The following PARD3B variants were observed in gnomAD, a reference collection of about 807,000 sequenced individuals.
PARD3B encodes par-3 family cell polarity regulator beta, also known as partitioning defective 3 homolog B.
In PARD3B, 103 loss-of-function variants were observed where a neutral mutation model predicts 130.2. The ratio of observed to expected loss-of-function variants is 0.79; its 90% CI spans 0.67 to 0.93. The LOEUF (loss-of-function observed/expected upper bound fraction) is 0.93, where lower values mean the gene tolerates loss of function less well. PARD3B is among the 40% of genes least tolerant of loss of function. The pLI, the probability that PARD3B is intolerant of heterozygous loss-of-function variation, is 0.00. For missense variants in PARD3B, 1,609 were observed against 1,499.2 expected (o/e 1.07, Z -1.21); for synonymous variants, 583 against 553.2 (o/e 1.05, Z -0.76).
Position 205,180,032 on chromosome 2 carries a change from G to A in PARD3B, c.1924+3455G>A, listed in dbSNP as rs143685958. On this transcript the variant is annotated intron_variant, in intron 13 of 22. Coordinates refer to ENST00000406610, the MANE Select transcript of PARD3B (RefSeq NM_001302769.2). ...TTGTCTCTTCTTTTCTTCCCAGGAC[G>A]TAGATTTAGTTAGAACAATTTTTAC... Among the ~76,000 whole-genome samples the A allele has an allele frequency of 3.2e-4, 49 of 151,856 alleles. No homozygotes were observed. The East Asian group carries it at 6.2e-3, about 19-fold the overall frequency.
intron 4 of PARD3B, among the ~76,000 whole-genome samples, chr2:205,097,830 CGTGTGTGT>C (rs71939970): frequency 0.53 from 80,026 of 150,226 alleles, 21,391 homozygotes; most frequent in Admixed American, 0.64. Flanking sequence ...AATCTAGTGG[CGTGTGTGT>C]GTGTGTGTGT....
chr2:205,062,715 TAAG>T (rs1185644060), intron 4 of PARD3B, among the ~76,000 whole-genome samples: 1 of 152,138 alleles, frequency 6.6e-6, no homozygotes, highest in African/African-American at 2.4e-5. Flanking sequence ...AGAGAGAAAT[TAAG>T]AAAAGAATAA....
intron 1 of PARD3B, among the ~76,000 whole-genome samples, chr2:204,592,556 G>A (rs2033121832): frequency 6.6e-6 from 1 of 152,052 alleles, no homozygotes; most frequent in African/African-American, 2.4e-5. Context: ...TTCACATTTT[G>A]TTTTGTATTA....
chr2:204,924,080 A>G (rs897269603), intron 2 of PARD3B, among the ~76,000 whole-genome samples: 1 of 152,088 alleles, frequency 6.6e-6, no homozygotes, highest in Non-Finnish European at 1.5e-5. Flanking sequence ...TGATGGTGAA[A>G]TAGGATCTTG....
In PARD3B at chr2:204,902,184, C is replaced by T. The variant is rs540560322; in HGVS notation, c.223-62968C>T. Among the ~76,000 whole-genome samples, 4 of 152,248 alleles carry T rather than the reference C, an allele frequency of 2.6e-5. No homozygotes were observed. The East Asian group carries it at 7.7e-4, about 29-fold the overall frequency. On this transcript the variant is annotated intron_variant, in intron 2 of 22. Transcript: ENST00000406610. ...TTCAAAATTATCAGTTAATGTTTTA[C>T]ATAGAAAAGGCTGTTTTCTTTTAAG...
intron 2 of PARD3B, among the ~76,000 whole-genome samples, chr2:204,820,070 A>ATTTTTTTTTTTTT (rs1559170803): frequency 3.5e-5 from 3 of 86,296 alleles, no homozygotes; most frequent in African/African-American, 1.9e-4. Context: ...TAAACAATAG[A>ATTTTTTTTTTTTT]CTTTTTTTTT....
intron 1 of PARD3B, among the ~76,000 whole-genome samples, chr2:204,583,048 A>C (rs2032645081): frequency 1.3e-5 from 2 of 150,950 alleles, no homozygotes; most frequent in South Asian, 4.2e-4. Context: ...TAGTTCAACC[A>C]TTGTGGAAGT....
Position 204,878,126 on chromosome 2 carries a change from AG to A in PARD3B, c.223-87025del, listed in dbSNP as rs1244317555. Among the ~76,000 whole-genome samples the A allele has an allele frequency of 2.6e-5, 4 of 152,342 alleles. No homozygotes were observed. The East Asian group carries it at 7.7e-4, about 29-fold the overall frequency. ...ATCAGCAGTTTTGTTGGCACTGTAA[AG>A]AAAAAAGTCATGTAACAGCACACCT... On this transcript the variant is annotated intron_variant, in intron 2 of 22. Transcript: ENST00000406610.
intron 10 of PARD3B, among the ~76,000 whole-genome samples, chr2:205,156,263 G>T (rs1476174032): frequency 3.1e-5 from 4 of 127,512 alleles, no homozygotes; most frequent in Non-Finnish European, 5.1e-5. Flanking sequence ...GGACTGTTGT[G>T]GGGTGGGCGG....
chr2:205,349,917 A>G (rs2043935694), intron 18 of PARD3B, among the ~76,000 whole-genome samples: 1 of 148,494 alleles, frequency 6.7e-6, no homozygotes, highest in Admixed American at 6.9e-5. Context: ...CCTGAGTTCT[A>G]TAACCTGTAG....
intron 3 of PARD3B, among the ~76,000 whole-genome samples, chr2:204,986,050 G>A (rs1249502497): frequency 5.4e-5 from 7 of 130,794 alleles, no homozygotes; most frequent in African/African-American, 1.1e-4. Context: ...GCAGTGAGCC[G>A]AGATAGTGCC....
intron 2 of PARD3B, among the ~76,000 whole-genome samples, chr2:204,756,873 T>C (rs534360653): frequency 1.3e-5 from 2 of 152,246 alleles, no homozygotes; most frequent in African/African-American, 2.4e-5. Context: ...AAGTAGTGAA[T>C]AGTGTACTCA....
rs932931648 is a variant in PARD3B, at chr2:205,563,399, G to A, written c.3260+9996G>A. On this transcript the variant is annotated intron_variant, in intron 22 of 22. Transcript: ENST00000406610. This position sits in a 1 kb window ranked among gnomAD's most constrained non-coding sequence, Gnocchi z 4.2. ...TAAAAGAAAAAAATGTATCCTTGAA[G>A]TCACAGAATCAGAATCAGAATTCAA... is the stretch of plus-strand genomic sequence containing the variant. 6.6e-6 allele frequency among the ~76,000 whole-genome samples: 1 copy of A among 152,124 alleles called. No homozygotes were observed. The highest frequency in any genetic ancestry group is 6.5e-5 in the Admixed American group (1 of 15,280).
intron 2 of PARD3B, among the ~76,000 whole-genome samples, chr2:204,745,038 G>GA (rs773386965): frequency 9.2e-5 from 14 of 152,126 alleles, no homozygotes; most frequent in Non-Finnish European, 1.3e-4. Context: ...AGGAAATAAA[G>GA]ACAGGAAGAG....
At chr2:205,256,698 T>C (rs746291421) in intron 16 of PARD3B, among the ~76,000 whole-genome samples, 2 of 152,100 alleles carry the variant, frequency 1.3e-5, no homozygotes, top group African/African-American at 2.4e-5. Flanking sequence ...ATAGAAATAT[T>C]GTACAAATGG....
At chr2:205,019,485 T>G (rs970898307) in intron 3 of PARD3B, among the ~76,000 whole-genome samples, 2 of 152,154 alleles carry the variant, frequency 1.3e-5, no homozygotes, top group African/African-American at 2.4e-5. Context: ...TTTTGATTTC[T>G]TCCAAATATA....
At position 205,301,424 on chromosome 2, in the gene PARD3B, G is replaced by T; in HGVS notation, c.2393-40G>T. On this transcript the variant is annotated intron_variant, in intron 17 of 22. Transcript: ENST00000406610. The surrounding 1 kb of genome is among the most constrained non-coding windows in gnomAD (Gnocchi z 5.2). Reference sequence around the variant, plus strand: ...GTTTCTCTGTATACTAACTGAGTGTGCCCCTGACCATGGGTATTGATTATT... The same window carrying T: ...GTTTCTCTGTATACTAACTGAGTGTTCCCCTGACCATGGGTATTGATTATT... 1 of 1,578,664 alleles carries T rather than the reference G, an allele frequency of 6.3e-7. No homozygotes were observed. Among genetic ancestry groups the T allele is most frequent in the Non-Finnish European group, 8.6e-7 (1 of 1,167,230 alleles).
rs1394406120 is a variant in PARD3B, at chr2:204,965,151, G to A, written c.223-1G>A. ...ATTAGTGTTGTTGGATTTGTTTGTA[G>A]CTGATTGCTGTGTTTGAAGAACAAG... is the stretch of plus-strand genomic sequence containing the variant. On this transcript the variant is annotated splice_acceptor_variant, in intron 2 of 22. Transcript: ENST00000406610. LOFTEE classifies it high-confidence loss of function. 2 of 1,612,896 alleles carry A rather than the reference G, an allele frequency of 1.2e-6. No individual in the cohort carries two copies. The highest frequency in any genetic ancestry group is 2.7e-5 in the African/African-American group (2 of 74,970).
Position 205,121,014 on chromosome 2 carries a change from T to A in PARD3B, c.807-577T>A, listed in dbSNP as rs2030639986. ...GTGTGAGAGTAACAGGAAGGGTGCA[T>A]GTTGGATTGAAATTCCACTGAGACA... On this transcript the variant is annotated intron_variant, in intron 7 of 22. Transcript: ENST00000406610. This position sits in a 1 kb window ranked among gnomAD's most constrained non-coding sequence, Gnocchi z 5.0. Among the ~76,000 whole-genome samples, 1 of 152,196 alleles carries A rather than the reference T, an allele frequency of 6.6e-6. No individual in the cohort carries two copies. Among genetic ancestry groups the A allele is most frequent in the African/African-American group, 2.4e-5 (1 of 41,460 alleles).
Sources: gnomAD v4.1 joint callset for allele counts (sites outside exome capture counted in the v4.1 genomes callset) on GRCh38, gnomAD v4.1.1 for gene constraint, Gnocchi (gnomAD v3.1) non-coding constraint, MANE v1.5 for transcripts, NCBI Gene and HGNC (gene_info 2026-07-23, HGNC 2026-07-21) for gene names.